The following FAM83G variants were observed in gnomAD, a reference collection of about 807,000 sequenced individuals.
The protein encoded by FAM83G is protein FAM83G.
Under a neutral mutation model 61.5 loss-of-function variants are expected in FAM83G, and 38 were observed. The ratio of observed to expected loss-of-function variants is 0.62; its 90% CI spans 0.48 to 0.81. FAM83G has a LOEUF of 0.81. Among genes scored for constraint, FAM83G ranks in the 30% least tolerant of loss-of-function variants. FAM83G has a pLI of 0.00. For synonymous variants in FAM83G, 470 were observed against 476.1 expected (o/e 0.99, Z 0.17); for missense variants, 989 against 1,133.6 (o/e 0.87, Z 1.83).
rs376888753 is a variant in FAM83G, at chr17:18,978,298, G to A, written c.1368C>T (p.Ser456=). 4.3e-6 allele frequency: 7 copies of A among 1,610,666 alleles called. No homozygotes were observed. The East Asian group carries it at 8.9e-5, about 21-fold the overall frequency. Residue 456 remains serine (S), a synonymous_variant, in exon 5 of 6, where the codon AGC becomes AGT. Transcript: ENST00000388995. ...TCTGCTTCCACAGCTGGTGCTGGGCGCTGGCCTGGGAGGTGTCACGGATCT... is the reference window on the plus strand; with the variant it reads ...TCTGCTTCCACAGCTGGTGCTGGGCACTGGCCTGGGAGGTGTCACGGATCT... The part of the protein sequence containing the change: ...RIKIRDTSQA[S]AQHQLWKQSQ...
At chr17:18,977,077 C>T (rs776136950) in intron 5 of FAM83G, 2 of 1,559,448 alleles carry the variant, frequency 1.3e-6, no homozygotes, top group Non-Finnish European at 1.7e-6. Flanking sequence ...GAAGAAGAGG[C>T]AAAGGATAGA....
chr17:18,989,925 C>T (rs949670188), intron 2 of FAM83G, among the ~76,000 whole-genome samples: 1 of 152,180 alleles, frequency 6.6e-6, no homozygotes, highest in Non-Finnish European at 1.5e-5. Flanking sequence ...CGTTTAGTCT[C>T]GGAGAGCCTG....
intron 2 of FAM83G, among the ~76,000 whole-genome samples, chr17:18,992,663 C>A (rs920695580): frequency 1.3e-5 from 2 of 152,222 alleles, no homozygotes; most frequent in Non-Finnish European, 2.9e-5. Flanking sequence ...AAGCTCTAGG[C>A]TGGGCTTTGG....
chr17:18,969,752 G>T lies in FAM83G; in HGVS notation c.*1607C>A, dbSNP rs146714152. The T allele has an allele frequency of 2.7e-4, 82 of 299,808 alleles. No homozygotes were observed. Among genetic ancestry groups the T allele is most frequent in the African/African-American group, 1.7e-3 (78 of 46,616 alleles). 18.6% of individuals were successfully genotyped at this position (299,808 alleles called of 1,614,324 possible). ...GGTGGGGCTGTAGGCGGGTGTGAAG[G>T]CACACAACCAGGAGGCCATAAAACT... is the stretch of plus-strand genomic sequence containing the variant. On this transcript the variant is annotated 3_prime_UTR_variant, in exon 6 of 6. Transcript: ENST00000388995.
At position 18,971,849 on chromosome 17, in the gene FAM83G, C is replaced by T. The variant is rs1292059730; in HGVS notation, c.2083-101G>A. The T allele has an allele frequency of 1.4e-5, 19 of 1,322,398 alleles. No individual in the cohort carries two copies. Among genetic ancestry groups the T allele is most frequent in the Non-Finnish European group, 1.8e-5 (18 of 982,316 alleles). 81.9% of individuals were successfully genotyped at this position (1,322,398 alleles called of 1,614,324 possible). A position where few individuals can be genotyped will look rare whatever the true frequency, so the allele number is the denominator to read the frequency against. On this transcript the variant is annotated intron_variant, in intron 5 of 5. Transcript: ENST00000388995. This position sits in a 1 kb window ranked among gnomAD's most constrained non-coding sequence, Gnocchi z 5.5. Reference sequence around the variant, plus strand: ...ACACAGGAGCCGGCAGGCCCGGGTTCGCCTCCTGGCTCTGCCATTCACCAG... The same window carrying T: ...ACACAGGAGCCGGCAGGCCCGGGTTTGCCTCCTGGCTCTGCCATTCACCAG...
rs769492030 is a variant in FAM83G at position 18,971,126 on chromosome 17, A to G, written c.*233T>C. The G allele has an allele frequency of 1.4e-5, 23 of 1,612,502 alleles. No individual in the cohort carries two copies. The highest frequency in any genetic ancestry group is 1.6e-5 in the Non-Finnish European group (19 of 1,178,822). ...CCTGCCACGTACAGACGCCATGCAC[A>G]TGTTTCGAGACCCCCACACAGGGGA... On this transcript the variant is annotated 3_prime_UTR_variant, in exon 6 of 6. Transcript: ENST00000388995. The surrounding 1 kb of genome is among the most constrained non-coding windows in gnomAD (Gnocchi z 5.5).
At chr17:18,980,809 G>A (rs1017343031) in intron 3 of FAM83G, among the ~76,000 whole-genome samples, 6 of 152,276 alleles carry the variant, frequency 3.9e-5, no homozygotes, top group Middle Eastern at 3.4e-3. Flanking sequence ...GCTCCTGGGT[G>A]CCCTGAGGGT....
chr17:18,992,456 C>T (rs1212995322), intron 2 of FAM83G, among the ~76,000 whole-genome samples: 1 of 152,208 alleles, frequency 6.6e-6, no homozygotes, highest in Non-Finnish European at 1.5e-5. Context: ...CAAAGGAGAA[C>T]CCCACCTGTG....
intron 2 of FAM83G, among the ~76,000 whole-genome samples, chr17:18,998,298 C>T (rs2043618538): frequency 6.6e-6 from 1 of 152,232 alleles, no homozygotes; most frequent in Admixed American, 6.5e-5. Context: ...AAGGCCTGAT[C>T]CCCATTTTAC....
Position 19,004,560 on chromosome 17 carries a change from T to C in FAM83G, c.-129+149A>G, listed in dbSNP as rs2043827383. 1 of 151,826 alleles carries C rather than the reference T, an allele frequency of 6.6e-6. No homozygotes were observed. 9.4% of individuals were successfully genotyped at this position (151,826 alleles called of 1,614,324 possible). A position where few individuals can be genotyped will look rare whatever the true frequency, so the allele number is the denominator to read the frequency against. On this transcript the variant is annotated intron_variant, in intron 1 of 5. Coordinates refer to ENST00000388995, the MANE Select transcript of FAM83G (RefSeq NM_001039999.3). This position sits in a 1 kb window ranked among gnomAD's most constrained non-coding sequence, Gnocchi z 5.4. Reference sequence around the variant, plus strand: ...AGGGCTTCCGGGTAAGGGAGGGGTCTTAAAATTTCCGGGTGCCGGCAACCC... The same window carrying C: ...AGGGCTTCCGGGTAAGGGAGGGGTCCTAAAATTTCCGGGTGCCGGCAACCC...
rs768690321 is a variant in FAM83G at position 18,971,577 on chromosome 17, G to T, written c.2254C>A (p.Pro752Thr). Residue 752 changes from proline (P) to threonine (T), a missense_variant, in exon 6 of 6, where the codon CCC becomes ACC. Transcript: ENST00000388995. This position sits in a 1 kb window ranked among gnomAD's most constrained non-coding sequence, Gnocchi z 5.5. Reference sequence around the variant, plus strand: ...CTGCCGGGATCCGGAAGCAGGCGGGGTACCTGACCTCCCTTGGCCTGCCAG... The same window carrying T: ...CTGCCGGGATCCGGAAGCAGGCGGGTTACCTGACCTCCCTTGGCCTGCCAG... ...HHWQAKGGQV[P>T]RLLPDPGSPR... is the part of the protein sequence containing the mutation. The T allele has an allele frequency of 4.3e-6, 7 of 1,613,688 alleles. No homozygotes were observed. Among genetic ancestry groups the T allele is most frequent in the Non-Finnish European group, 5.9e-6 (7 of 1,180,018 alleles).
chr17:18,979,804 G>A (rs1463864105), intron 3 of FAM83G, 131 bp from the exon 4 acceptor site: 1 of 1,036,988 alleles, frequency 9.6e-7, no homozygotes, highest in Admixed American at 2.1e-5. Context: ...GAGGCTGTAA[G>A]GCCTGGAGAA....
At chr17:18,981,386 C>T (rs575938170) in intron 3 of FAM83G, among the ~76,000 whole-genome samples, 23 of 152,274 alleles carry the variant, frequency 1.5e-4, no homozygotes, top group African/African-American at 5.3e-4. Flanking sequence ...GACCCTGCAC[C>T]GGCTTAAGAG....
chr17:18,978,157 G>A lies in FAM83G; in HGVS notation c.1509C>T (p.Pro503=), dbSNP rs370625651. ...CAGGGACTGTCCGGGGCTTGGGCAC[G>A]GGGGGCAATGGCTCAGGGTCCCCCT... ...LPQGDPEPLP[P]VPKPRTVPVA... Residue 503 remains proline, a synonymous_variant, in exon 5 of 6, where the codon CCC becomes CCT. Transcript: ENST00000388995. 5.8e-5 allele frequency: 88 copies of A among 1,530,126 alleles called. No individual in the cohort carries two copies. Among genetic ancestry groups the A allele is most frequent in the South Asian group, 1.8e-4 (14 of 78,144 alleles). The allele number at this position is 1,530,126 out of a possible 1,614,324, so 94.8% of individuals were successfully genotyped here.
rs202168324 is a variant in FAM83G at position 18,976,974 on chromosome 17, C to T, written c.2082+610G>A. On this transcript the variant is annotated intron_variant, in intron 5 of 5. Transcript: ENST00000388995. ...GATCATCATGCCGGGCATGATCAGC[C>T]GCGCATTGTTCCCAGGTAGGACGGG... 45 of 1,612,630 alleles carry T rather than the reference C, an allele frequency of 2.8e-5. No homozygotes were observed. The highest frequency in any genetic ancestry group is 7.7e-5 in the South Asian group (7 of 91,060).
rs750048574 is a variant in FAM83G, at chr17:19,003,814, C to T, written c.228G>A (p.Pro76=). Reference sequence around the variant, plus strand: ...CCGTGCCCCGAGGGTCCTCAGAGCCCGGGTCGTACACCTCGATGGTCTCCA... The same window carrying T: ...CCGTGCCCCGAGGGTCCTCAGAGCCTGGGTCGTACACCTCGATGGTCTCCA... ...RILETIEVYD[P]GSEDPRGTGP... The change falls in exon 2 of 6, where the codon CCG becomes CCA. Residue 76 remains proline (P), a synonymous_variant. Transcript: ENST00000388995. This position sits in a 1 kb window ranked among gnomAD's most constrained non-coding sequence, Gnocchi z 4.5. 8 of 1,612,860 alleles carry T rather than the reference C, an allele frequency of 5.0e-6. 1 individual carries two copies. Among genetic ancestry groups the T allele is most frequent in the Middle Eastern group, 1.7e-4 (1 of 6,058 alleles).
chr17:18,972,863 C>T (rs1254459231), intron 5 of FAM83G, among the ~76,000 whole-genome samples: 7 of 115,538 alleles, frequency 6.1e-5, no homozygotes, highest in South Asian at 3.4e-4. Flanking sequence ...AGCGAGACTC[C>T]GTCTAAAAAA....
intron 2 of FAM83G, among the ~76,000 whole-genome samples, chr17:18,988,776 A>G (rs1200057586): frequency 6.6e-6 from 1 of 152,198 alleles, no homozygotes; most frequent in Non-Finnish European, 1.5e-5. Flanking sequence ...CATCCCCTAC[A>G]TTCCTGGGCT....
rs1567791138 is a variant in FAM83G at position 18,978,545 on chromosome 17, A to AG, written c.1120dup (p.Leu374ProfsTer10). 6.2e-7 allele frequency: 1 copy of AG among 1,613,332 alleles called. No homozygotes were observed. Among genetic ancestry groups the AG allele is most frequent in the Non-Finnish European group, 8.5e-7 (1 of 1,179,992 alleles). ...AGCCAGCGCTGGGCCTTTCAGCCCC[A>AG]GGGGCTTCTTGGCCTCCTGCTTCTC... On this transcript the variant is annotated frameshift_variant, in exon 5 of 6. Transcript: ENST00000388995. LOFTEE classifies it high-confidence loss of function.
Sources: gnomAD v4.1 joint callset for allele counts (sites outside exome capture counted in the v4.1 genomes callset) on GRCh38, gnomAD v4.1.1 for gene constraint, Gnocchi (gnomAD v3.1) non-coding constraint, MANE v1.5 for transcripts, NCBI Gene and HGNC (gene_info 2026-07-23, HGNC 2026-07-21) for gene names.